Variants in THADA observed in about 807,000 individuals in gnomAD.
THADA encodes tRNA (32-2'-O)-methyltransferase regulator THADA.
A neutral mutation model predicts 219.8 loss-of-function variants in THADA; 213 were observed. The ratio of observed to expected loss-of-function variants is 0.97; its 90% confidence interval spans 0.87 to 1.09. THADA has a LOEUF of 1.09. Ranked by LOEUF, THADA falls within the 50% of genes least tolerant of loss-of-function variation. THADA has a pLI of 0.00. For missense variants in THADA, 2,956 were observed against 2,311.3 expected, an observed-to-expected ratio of 1.28 and a Z score of -5.72; for synonymous variants, 1,018 against 828.9, an observed-to-expected ratio of 1.23 and a Z score of -3.92.
chr2:43,558,420 T>C (rs891071790), intron 16 of THADA, among the ~76,000 whole-genome samples: 1 of 152,192 alleles, frequency 6.6e-6, no homozygotes, highest in African/African-American at 2.4e-5. Context: ...ATGCAAAGTA[T>C]TGTTCCTGTG....
chr2:43,583,278 T>A (rs1166019291), intron 7 of THADA, among the ~76,000 whole-genome samples: 2 of 152,166 alleles, frequency 1.3e-5, no homozygotes, highest in African/African-American at 2.4e-5. Context: ...TTGCCACCTC[T>A]CCTCTCCATC....
intron 29 of THADA, among the ~76,000 whole-genome samples, chr2:43,368,817 C>T (rs1363679519): frequency 1.3e-5 from 2 of 152,128 alleles, no homozygotes; most frequent in East Asian, 3.8e-4. Context: ...TTCTCTTCTC[C>T]AGTCCCCCAA....
At chr2:43,231,648 G>T (rs1269579551) in intron 37 of THADA, among the ~76,000 whole-genome samples, 1 of 152,184 alleles carries the variant, frequency 6.6e-6, no homozygotes, top group East Asian at 1.9e-4. Context: ...GCTGAAAAGG[G>T]GACTTCAACA....
chr2:43,539,941 C>T (rs941577111), intron 21 of THADA, among the ~76,000 whole-genome samples: 4 of 152,112 alleles, frequency 2.6e-5, no homozygotes, highest in Admixed American at 6.5e-5. Context: ...GAAGCTTTCA[C>T]GTCTTAGTTA....
chr2:43,486,256 A>T (rs1479283516), intron 25 of THADA, among the ~76,000 whole-genome samples: 3 of 152,254 alleles, frequency 2.0e-5, no homozygotes, highest in African/African-American at 7.2e-5. Flanking sequence ...GATAAGAGGC[A>T]GGAATTACCA....
At chr2:43,308,820 T>G (rs1573007158) in intron 31 of THADA, among the ~76,000 whole-genome samples, 1 of 134,694 alleles carries the variant, frequency 7.4e-6, no homozygotes, top group East Asian at 2.2e-4. Context: ...ACATGAAAAT[T>G]AACGTGAGAT....
chr2:43,293,136 C>T lies in THADA; in HGVS notation c.4516G>A (p.Ala1506Thr). 1.9e-6 allele frequency: 3 copies of T among 1,613,978 alleles called. No individual in the cohort carries two copies. Among genetic ancestry groups the T allele is most frequent in the Non-Finnish European group, 8.5e-7 (1 of 1,179,892 alleles). The change falls in exon 32 of 38, where the codon GCC becomes ACC. Residue 1506 changes from alanine to threonine, a missense_variant. Coordinates refer to ENST00000405975, the MANE Select transcript of THADA (RefSeq NM_022065.5). The part of the protein sequence containing the change: ...GSELITGFPW[A>T]FKVPGLPQYL... ...TGGGGCAGGCCTGGCACCTTGAAGG[C>T]CCAAGGGAATCCCGTTATCAGCTCT...
At chr2:43,585,574 AGAT>A (rs767249564) in intron 7 of THADA, among the ~76,000 whole-genome samples, 2,309 of 143,784 alleles carry the variant, frequency 0.016, 28 homozygotes, top group African/African-American at 0.036. Flanking sequence ...ATAGATAGAT[AGAT>A]AGAAAGAAAT....
intron 10 of THADA, 90 bp downstream of exon 10, chr2:43,576,932 T>C (rs1699915680): frequency 2.6e-6 from 3 of 1,172,540 alleles, no homozygotes; most frequent in Non-Finnish European, 3.7e-6. Flanking sequence ...TAGCTGGGAT[T>C]AGAGGCACAA....
At chr2:43,515,352 T>A (rs1191799854) in intron 22 of THADA, among the ~76,000 whole-genome samples, 3 of 58,748 alleles carry the variant, frequency 5.1e-5, no homozygotes, top group East Asian at 3.2e-4. Context: ...TATAATATTT[T>A]ATATATAATA....
intron 16 of THADA, among the ~76,000 whole-genome samples, chr2:43,558,944 T>C (rs1697723382): frequency 6.6e-6 from 1 of 152,110 alleles, no homozygotes; most frequent in South Asian, 2.1e-4. Context: ...AGTGTCAATA[T>C]ACCAAGCACG....
intron 8 of THADA, among the ~76,000 whole-genome samples, chr2:43,580,390 A>G (rs939338271): frequency 4.7e-5 from 7 of 148,702 alleles, no homozygotes; most frequent in Non-Finnish European, 1.1e-4. Flanking sequence ...TTAGTTAGAG[A>G]ATCTTTTTTT....
chr2:43,297,430 C>A (rs1675585987), intron 31 of THADA, among the ~76,000 whole-genome samples: 1 of 101,506 alleles, frequency 9.9e-6, no homozygotes, highest in Non-Finnish European at 1.9e-5. Context: ...CGGCAGCCAC[C>A]CCGTCCGGGA....
intron 26 of THADA, among the ~76,000 whole-genome samples, chr2:43,457,440 G>A (rs985591761): frequency 6.6e-6 from 1 of 152,098 alleles, no homozygotes; most frequent in Non-Finnish European, 1.5e-5. Flanking sequence ...TAGTAGTTGA[G>A]TCTCTACTAA....
intron 28 of THADA, among the ~76,000 whole-genome samples, chr2:43,427,503 T>TTGTGTGTGTG (rs70963397): frequency 0.046 from 6,528 of 140,516 alleles, 186 homozygotes; most frequent in South Asian, 0.078. Context: ...CTCCCAAAGT[T>TTGTGTGTGTG]TGTGTGTGTG....
Position 43,556,457 on chromosome 2 carries a change from G to A in THADA, c.2562C>T (p.Phe854=), listed in dbSNP as rs766628675. The A allele has an allele frequency of 6.2e-7, 1 of 1,613,900 alleles. No homozygotes were observed. The highest frequency in any genetic ancestry group is 8.5e-7 in the Non-Finnish European group (1 of 1,179,854). Reference sequence around the variant, plus strand: ...ACGGTAGAGCATCCTGCCAGATTAAGAAGTTCAGCAGGTAGGAAGCTGTCA... The same window carrying A: ...ACGGTAGAGCATCCTGCCAGATTAAAAAGTTCAGCAGGTAGGAAGCTGTCA... ...DCVTASYLLN[F]LIWQDALPSS... The change falls in exon 17 of 38, where the codon TTC becomes TTT. Residue 854 remains phenylalanine, a synonymous_variant. Transcript: ENST00000405975.
intron 28 of THADA, among the ~76,000 whole-genome samples, chr2:43,409,358 T>G (rs932516691): frequency 3.9e-5 from 6 of 152,274 alleles, no homozygotes; most frequent in East Asian, 1.9e-4. Context: ...AAATTGCTTT[T>G]TTTTTTTGGC....
At chr2:43,556,089 G>T (rs74609989) in intron 17 of THADA, 8 of 821,848 alleles carry the variant, frequency 9.7e-6, no homozygotes, top group Non-Finnish European at 1.3e-5. Flanking sequence ...GGAGAAAGAG[G>T]TCATTCTCAT....
intron 29 of THADA, among the ~76,000 whole-genome samples, chr2:43,352,439 T>G (rs1258434274): frequency 6.6e-6 from 1 of 152,034 alleles, no homozygotes; most frequent in Non-Finnish European, 1.5e-5. Context: ...GTGCCTGTAA[T>G]CTCAGCTACT....
Sources: gnomAD v4.1 joint callset for allele counts (sites outside exome capture counted in the v4.1 genomes callset) on GRCh38, gnomAD v4.1.1 for gene constraint, MANE v1.5 for transcripts, NCBI Gene and HGNC (gene_info 2026-07-23, HGNC 2026-07-21) for gene names.